Variants in RPA1 observed in about 807,000 individuals in gnomAD.
The protein encoded by RPA1 is replication protein A 70 kDa DNA-binding subunit.
Under a neutral mutation model 83.0 loss-of-function variants are expected in RPA1, and 49 were observed. That is an observed-to-expected ratio of 0.59 (90% CI 0.47 to 0.75). The LOEUF (loss-of-function observed/expected upper bound fraction) is 0.75. RPA1 is among the 30% of genes least tolerant of loss of function. RPA1 has a pLI of 0.00. For missense variants in RPA1, 693 were observed against 776.1 expected (o/e 0.89, Z 1.27); for synonymous variants, 279 against 281.8 (o/e 0.99, Z 0.10).
rs1356758121 is a variant in RPA1 at position 1,899,574 on chromosome 17, G to A, written c.*2399G>A. Reference sequence around the variant, plus strand: ...ATCTCTCGCGTGCTGTTCCTTTTTTGAACTGCAGGGTCAAAAATGTTCCCC... The same window carrying A: ...ATCTCTCGCGTGCTGTTCCTTTTTTAAACTGCAGGGTCAAAAATGTTCCCC... On this transcript the variant is annotated 3_prime_UTR_variant, in exon 17 of 17. Coordinates refer to ENST00000254719, the MANE Select transcript of RPA1 (RefSeq NM_002945.5). 1 of 151,904 alleles carries A rather than the reference G, an allele frequency of 6.6e-6. No homozygotes were observed. Among genetic ancestry groups the A allele is most frequent in the East Asian group, 1.9e-4 (1 of 5,196 alleles). 9.4% of individuals were successfully genotyped at this position (151,904 alleles called of 1,614,324 possible).
chr17:1,886,155 C>T (rs1467410813), intron 13 of RPA1, among the ~76,000 whole-genome samples: 1 of 151,694 alleles, frequency 6.6e-6, no homozygotes, highest in Non-Finnish European at 1.5e-5. Flanking sequence ...CCATTGAGCT[C>T]TCGGGTGAAC....
intron 2 of RPA1, 67 bp from the exon 3 acceptor site, chr17:1,843,853 C>G (rs1197405300): frequency 7.5e-7 from 1 of 1,337,994 alleles, no homozygotes; most frequent in African/African-American, 1.4e-5. Flanking sequence ...TCTCCTGCCA[C>G]TTCGGTTTAC....
chr17:1,875,887 CACCACCAAAT>C lies in RPA1; in HGVS notation c.587+106_587+115del, dbSNP rs538893404. The C allele has an allele frequency of 3.5e-4, 420 of 1,192,130 alleles. 1 individual carries two copies. The Admixed American group carries it at 0.011, about 30-fold the overall frequency. The allele number at this position is 1,192,130 out of a possible 1,614,324, so 73.8% of individuals were successfully genotyped here. A position where few individuals can be genotyped will look rare whatever the true frequency, so the allele number is the denominator to read the frequency against. ...GTTATTTATGCGTGAACTTCAGGGT[CACCACCAAAT>C]ACCACCAAATAGAATGGGTTTACTC... is the stretch of plus-strand genomic sequence containing the variant. On this transcript the variant is annotated intron_variant, in intron 7 of 16. Coordinates refer to ENST00000254719, the MANE Select transcript of RPA1 (RefSeq NM_002945.5).
intron 1 of RPA1, among the ~76,000 whole-genome samples, chr17:1,841,841 T>G (rs1309557618): frequency 6.6e-6 from 1 of 152,192 alleles, no homozygotes; most frequent in African/African-American, 2.4e-5. Flanking sequence ...TGAGTAAGTG[T>G]TGCCTTTTCC....
chr17:1,871,498 C>T (rs1157908889), intron 5 of RPA1, among the ~76,000 whole-genome samples: 8 of 152,144 alleles, frequency 5.3e-5, no homozygotes, highest in Non-Finnish European at 1.5e-5. Flanking sequence ...TTTTTGTTCT[C>T]AGGGCACTCT....
chr17:1,847,856 C>G (rs560873732), intron 4 of RPA1, among the ~76,000 whole-genome samples: 23 of 152,138 alleles, frequency 1.5e-4, no homozygotes, highest in African/African-American at 4.8e-4. Context: ...CCCATCTCTA[C>G]TAAAAATACA....
chr17:1,847,681 G>A lies in RPA1; in HGVS notation c.272+2995G>A, dbSNP rs1457679161. On this transcript the variant is annotated intron_variant, in intron 4 of 16. Transcript: ENST00000254719. ...TTAGAATTTGTATTGTGGGGTCAAC[G>A]GACATCTGTGGAAAGTATACTAATT... is the stretch of plus-strand genomic sequence containing the variant. 6.6e-5 allele frequency among the ~76,000 whole-genome samples: 10 copies of A among 152,034 alleles called. No homozygotes were observed. In the South Asian group the frequency reaches 1.0e-3, roughly 16 times the overall value.
intron 14 of RPA1, chr17:1,891,613 T>A (rs1359029994): frequency 9.8e-6 from 3 of 305,568 alleles, no homozygotes; most frequent in Non-Finnish European, 1.8e-5. Flanking sequence ...AGAGACGGAG[T>A]TTCACCATGT....
At position 1,840,066 on chromosome 17, in the gene RPA1, C is replaced by G. The variant is rs149569207; in HGVS notation, c.34-2737C>G. On this transcript the variant is annotated intron_variant, in intron 1 of 16. Transcript: ENST00000254719. ...TCTCAGCCTCCCAAAGTGCTGATCC[C>G]TTTGCATACACTGAAGTATAGAGAA... 1.3e-3 allele frequency among the ~76,000 whole-genome samples: 197 copies of G among 151,168 alleles called. 2 individuals are homozygous for G. The East Asian group carries it at 0.031, about 24-fold the overall frequency.
intron 8 of RPA1, among the ~76,000 whole-genome samples, chr17:1,878,567 G>A (rs958411224): frequency 3.9e-5 from 6 of 152,192 alleles, no homozygotes; most frequent in African/African-American, 1.4e-4. Flanking sequence ...ATGTGAAGTG[G>A]TTTGTCACTG....
chr17:1,889,333 A>AG, intron 14 of RPA1, among the ~76,000 whole-genome samples: 1 of 76,226 alleles, frequency 1.3e-5, no homozygotes, highest in Admixed American at 1.4e-4. Context: ...GGGTTTAAAA[A>AG]AATTTTTTTT....
intron 5 of RPA1, among the ~76,000 whole-genome samples, chr17:1,855,354 TG>T (rs1912651856): frequency 2.1e-4 from 32 of 149,116 alleles, no homozygotes; most frequent in African/African-American, 6.6e-4. Context: ...TGTGTGTGTG[TG>T]TGTGTGTGTG....
At chr17:1,841,773 A>T (rs1912055351) in intron 1 of RPA1, among the ~76,000 whole-genome samples, 1 of 152,076 alleles carries the variant, frequency 6.6e-6, no homozygotes, top group South Asian at 2.1e-4. Flanking sequence ...TTTTTTTTGT[A>T]GACGTCAGCT....
chr17:1,839,772 C>T (rs1032738751), intron 1 of RPA1, among the ~76,000 whole-genome samples: 7 of 146,280 alleles, frequency 4.8e-5, no homozygotes, highest in South Asian at 2.2e-4. Flanking sequence ...GTAGCTGGGA[C>T]GACTGCGCCC....
At chr17:1,895,573 AAGTC>A (rs1166677695) in intron 16 of RPA1, among the ~76,000 whole-genome samples, 1 of 151,946 alleles carries the variant, frequency 6.6e-6, no homozygotes, top group African/African-American at 2.4e-5. Flanking sequence ...CCCCGTTTCT[AAGTC>A]AGTCAGTCAG....
intron 10 of RPA1, 43 bp from the exon 11 acceptor site, chr17:1,879,517 G>GGGA: frequency 6.2e-7 from 1 of 1,613,654 alleles, no homozygotes; most frequent in Middle Eastern, 1.6e-4. Context: ...GCGTCGGAAT[G>GGGA]GGAGTCTTGA....
chr17:1,880,777 A>T, intron 12 of RPA1, 86 bp downstream of exon 12: 1 of 1,552,478 alleles, frequency 6.4e-7, no homozygotes, highest in Non-Finnish European at 8.8e-7. Flanking sequence ...GCTTTCTGCC[A>T]AGCAGAAGCC....
chr17:1,873,572 C>T (rs1567818325), intron 6 of RPA1, among the ~76,000 whole-genome samples: 2 of 152,094 alleles, frequency 1.3e-5, no homozygotes, highest in African/African-American at 2.4e-5. Context: ...GGACTTTCCC[C>T]CTTGCCCTTT....
At chr17:1,849,894 G>A (rs892108108) in intron 4 of RPA1, among the ~76,000 whole-genome samples, 1 of 152,120 alleles carries the variant, frequency 6.6e-6, no homozygotes, top group Non-Finnish European at 1.5e-5. Flanking sequence ...TATCTAGGCT[G>A]GACGTGGTGG....
Sources: gnomAD v4.1 joint callset for allele counts (sites outside exome capture counted in the v4.1 genomes callset) on GRCh38, gnomAD v4.1.1 for gene constraint, MANE v1.5 for transcripts, NCBI Gene and HGNC (gene_info 2026-07-23, HGNC 2026-07-21) for gene names.